Variants in UBE3C observed in about 807,000 individuals in gnomAD.
UBE3C encodes ubiquitin protein ligase E3C, also known as ubiquitin-protein ligase E3C.
A neutral mutation model predicts 129.4 loss-of-function variants in UBE3C; 42 were observed. That is an observed-to-expected ratio of 0.32 (90% CI 0.25 to 0.42). The LOEUF is 0.42. Among genes scored for constraint, UBE3C ranks in the 10% least tolerant of loss-of-function variants. The pLI, the probability that UBE3C is intolerant of heterozygous loss-of-function variation, is 1.00. For missense variants in UBE3C, 1,049 were observed against 1,319.1 expected (o/e 0.80, Z 3.17); for synonymous variants, 510 against 492.4 (o/e 1.04, Z -0.47).
intron 1 of UBE3C, among the ~76,000 whole-genome samples, chr7:157,157,987 TAG>T (rs58093796): frequency 0.1 from 13,478 of 132,688 alleles, 930 homozygotes; most frequent in African/African-American, 0.22. Context: ...TATATATATA[TAG>T]AGAGAGAGAG....
chr7:157,220,415 A>G (rs1427815892), intron 14 of UBE3C, among the ~76,000 whole-genome samples: 1 of 152,248 alleles, frequency 6.6e-6, no homozygotes, highest in Non-Finnish European at 1.5e-5. Flanking sequence ...ATATTATTTT[A>G]CTATGTTTAG....
chr7:157,173,974 C>T (rs188310523), intron 4 of UBE3C, among the ~76,000 whole-genome samples: 5 of 152,234 alleles, frequency 3.3e-5, no homozygotes, highest in East Asian at 3.9e-4. Flanking sequence ...TGTTTAATAA[C>T]GTTTTATGGC....
chr7:157,181,051 C>T (rs935713112), intron 6 of UBE3C, among the ~76,000 whole-genome samples: 2 of 152,174 alleles, frequency 1.3e-5, no homozygotes, highest in African/African-American at 4.8e-5. Context: ...TTAAAAAATG[C>T]ACAAATCAGA....
At chr7:157,226,680 G>A (rs563828115) in intron 17 of UBE3C, among the ~76,000 whole-genome samples, 32 of 151,590 alleles carry the variant, frequency 2.1e-4, no homozygotes, top group Non-Finnish European at 8.8e-5. Flanking sequence ...GAACAGTGGA[G>A]GAAAGCTGAC....
intron 18 of UBE3C, among the ~76,000 whole-genome samples, chr7:157,240,636 G>C (rs921796875): frequency 6.6e-6 from 1 of 152,114 alleles, no homozygotes; most frequent in Non-Finnish European, 1.5e-5. Flanking sequence ...GTTCAGAGTG[G>C]TTACAAGAGC....
At chr7:157,208,899 G>A (rs1809513291) in intron 13 of UBE3C, among the ~76,000 whole-genome samples, 1 of 152,190 alleles carries the variant, frequency 6.6e-6, no homozygotes, top group African/African-American at 2.4e-5. Context: ...CAGAAGAAAT[G>A]CATTTTCCAA....
chr7:157,171,165 A>G (rs963986242), intron 4 of UBE3C, among the ~76,000 whole-genome samples: 11 of 152,036 alleles, frequency 7.2e-5, no homozygotes, highest in African/African-American at 2.7e-4. Context: ...TGCTCTTGTC[A>G]CCTAGGCTGG....
At chr7:157,177,274 C>T (rs1808543784) in intron 5 of UBE3C, among the ~76,000 whole-genome samples, 1 of 152,132 alleles carries the variant, frequency 6.6e-6, no homozygotes, top group Non-Finnish European at 1.5e-5. Context: ...TTCTCAGGAG[C>T]ATACTGGTCA....
At chr7:157,146,202 C>T (rs950982794) in intron 1 of UBE3C, among the ~76,000 whole-genome samples, 1 of 151,726 alleles carries the variant, frequency 6.6e-6, no homozygotes, top group Non-Finnish European at 1.5e-5. Flanking sequence ...CCTGCCTTTG[C>T]TCCTTTGTCA....
rs1479756125 is a variant in UBE3C at position 157,173,900 on chromosome 7, T to C, written c.343-1019T>C. ...AATATTCGGAGTAGTTCAGAATTAT[T>C]TCATCCCAGTTTAAGACATGCGCTA... is the stretch of plus-strand genomic sequence containing the variant. On this transcript the variant is annotated intron_variant, in intron 4 of 22. Transcript: ENST00000348165. Among the ~76,000 whole-genome samples the C allele has an allele frequency of 3.3e-5, 5 of 152,236 alleles. No homozygotes were observed. The East Asian group carries it at 9.6e-4, about 29-fold the overall frequency.
At chr7:157,267,526 A>G in intron 22 of UBE3C, 59 bp from the exon 23 acceptor site, 1 of 1,593,290 alleles carries the variant, frequency 6.3e-7, no homozygotes, top group Non-Finnish European at 8.6e-7. Context: ...ACTTTGTATT[A>G]AAACTCATGT....
At chr7:157,247,955 C>T (rs1384589868) in intron 18 of UBE3C, among the ~76,000 whole-genome samples, 1 of 152,040 alleles carries the variant, frequency 6.6e-6, no homozygotes, top group Non-Finnish European at 1.5e-5. Flanking sequence ...CCAATAGCTG[C>T]GAGGCGTGAG....
At chr7:157,156,996 CT>C (rs1807927597) in intron 1 of UBE3C, among the ~76,000 whole-genome samples, 1 of 152,128 alleles carries the variant, frequency 6.6e-6, no homozygotes, top group African/African-American at 2.4e-5. Context: ...CATCATTAGA[CT>C]TTTTAAATTA....
chr7:157,223,377 C>T (rs1287417056), intron 16 of UBE3C, 26 bp downstream of exon 16: 2 of 1,578,230 alleles, frequency 1.3e-6, no homozygotes, highest in Non-Finnish European at 1.7e-6. Flanking sequence ...TCTTTATTGT[C>T]ACTACGTATC....
At chr7:157,255,098 C>T (rs542023241) in intron 21 of UBE3C, among the ~76,000 whole-genome samples, 6 of 151,912 alleles carry the variant, frequency 3.9e-5, no homozygotes, top group Admixed American at 2.0e-4. Flanking sequence ...CCAGCCTGGG[C>T]GACAGGAGTG....
chr7:157,254,458 C>T lies in UBE3C; in HGVS notation c.2950+148C>T, dbSNP rs925756588. The T allele has an allele frequency of 7.1e-5, 25 of 353,582 alleles. No homozygotes were observed. The East Asian group carries it at 1.7e-3, about 24-fold the overall frequency. The allele number at this position is 353,582 out of a possible 1,614,324, so 21.9% of individuals were successfully genotyped here. A position where few individuals can be genotyped will look rare whatever the true frequency, so the allele number is the denominator to read the frequency against. On this transcript the variant is annotated intron_variant, in intron 21 of 22. Coordinates refer to ENST00000348165, the MANE Select transcript of UBE3C (RefSeq NM_014671.3). ...TGTCGCCCAGGCTGGAGTGCAGTGGCGCGATCCCAGCTCACTGAAACCTTT... is the reference window on the plus strand; with the variant it reads ...TGTCGCCCAGGCTGGAGTGCAGTGGTGCGATCCCAGCTCACTGAAACCTTT...
intron 13 of UBE3C, 89 bp downstream of exon 13, chr7:157,208,024 G>A: frequency 3.1e-6 from 1 of 327,092 alleles, no homozygotes; most frequent in Non-Finnish European, 4.6e-6. Context: ...AAAAATGCAG[G>A]TTTGTTTCAG....
chr7:157,141,946 C>T (rs964133802), intron 1 of UBE3C, among the ~76,000 whole-genome samples: 1 of 152,204 alleles, frequency 6.6e-6, no homozygotes, highest in African/African-American at 2.4e-5. Flanking sequence ...GTGCTGGGTC[C>T]TAGATGATAC....
chr7:157,184,046 G>T lies in UBE3C; in HGVS notation c.1143+17G>T. 6.2e-7 allele frequency: 1 copy of T among 1,609,720 alleles called. No individual in the cohort carries two copies. Among genetic ancestry groups the T allele is most frequent in the Non-Finnish European group, 8.5e-7 (1 of 1,177,172 alleles). ...TCAAGCCCGGTAAGCCCCGTGCCCT[G>T]CATCTGGGGGGCTGCGATGCAGGCA... On this transcript the variant is annotated intron_variant, in intron 9 of 22. Coordinates refer to ENST00000348165, the MANE Select transcript of UBE3C (RefSeq NM_014671.3).
Sources: allele counts gnomAD v4.1 joint callset (sites outside exome capture counted in the v4.1 genomes callset), GRCh38; gene constraint gnomAD v4.1.1; transcripts MANE v1.5; gene names NCBI Gene and HGNC (gene_info 2026-07-23, HGNC 2026-07-21).